ZNF34: variants seen among roughly 807,000 people sequenced by gnomAD.
ZNF34 encodes the protein zinc finger protein 34 (KOX 32).
A neutral mutation model predicts 14.4 loss-of-function variants in ZNF34; 8 were observed. That is an observed-to-expected ratio of 0.55 (90% CI 0.33 to 1.00). The LOEUF (loss-of-function observed/expected upper bound fraction) is 1.00, where lower values mean the gene tolerates loss of function less well. Ranked by LOEUF, ZNF34 falls within the 50% of genes least tolerant of loss-of-function variation. The pLI, the probability that ZNF34 is intolerant of heterozygous loss-of-function variation, is 0.03. For synonymous variants in ZNF34, 235 were observed against 247.9 expected, an observed-to-expected ratio of 0.95 and a Z score of 0.49; for missense variants, 538 against 674.2, an observed-to-expected ratio of 0.80 and a Z score of 2.24.
Position 144,774,030 on chromosome 8 carries a change from A to G in ZNF34, c.856T>C (p.Tyr286His), listed in dbSNP as rs747879150. Residue 286 changes from tyrosine to histidine, a missense_variant, in exon 6 of 6, where the codon TAC becomes CAC. This residue lies in a region of ZNF34 where 431 missense variants were observed against 525.7 expected (regional missense o/e 0.82). Coordinates refer to ENST00000429371, the MANE Select transcript of ZNF34 (RefSeq NM_001286769.2). ...HRRMHSGEIP[Y>H]RCDECGKTFT... ...GTCTTCCCACACTCGTCACACCGGT[A>G]GGGAATCTCTCCTGAGTGCATCCTT... The G allele has an allele frequency of 6.2e-7, 1 of 1,614,088 alleles. No homozygotes were observed. The highest frequency in any genetic ancestry group is 2.2e-5 in the East Asian group (1 of 44,872).
At position 144,772,740 on chromosome 8, in the gene ZNF34, A is replaced by G. The variant is rs1825246052; in HGVS notation, c.*526T>C. Reference sequence around the variant, plus strand: ...TTTTTAGTAGAGACGGGGTTTCACCATGTTGGCCAGGCTGGTCTCAAACTC... The same window carrying G: ...TTTTTAGTAGAGACGGGGTTTCACCGTGTTGGCCAGGCTGGTCTCAAACTC... On this transcript the variant is annotated 3_prime_UTR_variant, in exon 6 of 6. Transcript: ENST00000429371. Among the ~76,000 whole-genome samples, 1 of 152,068 alleles carries G rather than the reference A, an allele frequency of 6.6e-6. No homozygotes were observed. Among genetic ancestry groups the G allele is most frequent in the Non-Finnish European group, 1.5e-5 (1 of 68,020 alleles).
Position 144,773,197 on chromosome 8 carries a change from A to C in ZNF34, c.*69T>G. ...ATCGTGTGGATAATACATAAAGGGC[A>C]GAGTCAGGTGCCGGGGGCGCATGCA... On this transcript the variant is annotated 3_prime_UTR_variant, in exon 6 of 6. Coordinates refer to ENST00000429371, the MANE Select transcript of ZNF34 (RefSeq NM_001286769.2). The surrounding 1 kb of genome is among the most constrained non-coding windows in gnomAD (Gnocchi z 5.4). 1 of 1,483,506 alleles carries C rather than the reference A, an allele frequency of 6.7e-7. No individual in the cohort carries two copies. The highest frequency in any genetic ancestry group is 9.0e-7 in the Non-Finnish European group (1 of 1,107,646). The allele number at this position is 1,483,506 out of a possible 1,614,324, so 91.9% of individuals were successfully genotyped here. A position where few individuals can be genotyped will look rare whatever the true frequency, so the allele number is the denominator to read the frequency against.
chr8:144,786,297 G>C (rs910224629), intron 1 of ZNF34, among the ~76,000 whole-genome samples: 1 of 151,070 alleles, frequency 6.6e-6, no homozygotes, highest in Admixed American at 6.6e-5. Context: ...CCATACATAT[G>C]TAGATTTTTA....
chr8:144,777,488 C>A lies in ZNF34; in HGVS notation c.250G>T (p.Gly84Trp). ...CTGTTGACTCTCAGGTGCTCTTTCC[C>A]AGAGGTGCCCTGAACATCCAGGACC... ...PWVLDVQGTSGKEHLRVNSPA... is the reference protein window; with the variant it reads ...PWVLDVQGTSWKEHLRVNSPA... The change falls in exon 5 of 6, where the codon GGG becomes TGG. Residue 84 changes from glycine to tryptophan, a missense_variant. Around this residue, in one of 3 missense-constraint regions of ZNF34, gnomAD observed 431 missense variants for 525.7 expected, o/e 0.82. Coordinates refer to ENST00000429371, the MANE Select transcript of ZNF34 (RefSeq NM_001286769.2). The surrounding 1 kb of genome is among the most constrained non-coding windows in gnomAD (Gnocchi z 4.8). The A allele has an allele frequency of 6.4e-7, 1 of 1,552,600 alleles. No homozygotes were observed. Among genetic ancestry groups the A allele is most frequent in the East Asian group, 2.4e-5 (1 of 40,974 alleles).
At chr8:144,780,090 G>T in intron 2 of ZNF34, 138 bp downstream of exon 2, 1 of 610,746 alleles carries the variant, frequency 1.6e-6, no homozygotes, top group Non-Finnish European at 3.0e-6. Flanking sequence ...CCAGCTACTT[G>T]GGAGGCTGAG....
At chr8:144,786,050 T>C (rs1719689703) in intron 1 of ZNF34, among the ~76,000 whole-genome samples, 1 of 148,490 alleles carries the variant, frequency 6.7e-6, no homozygotes, top group South Asian at 2.2e-4. Flanking sequence ...AGTGGCGGGA[T>C]CTTGGCTCAC....
chr8:144,780,330 AAC>A (rs1390528317), intron 1 of ZNF34, 50 bp from the exon 2 acceptor site: 4 of 1,340,950 alleles, frequency 3.0e-6, no homozygotes, highest in Non-Finnish European at 4.2e-6. Flanking sequence ...TATTAGATCA[AAC>A]ACTAGTTAAA....
chr8:144,784,196 CA>C (rs1011863954), intron 1 of ZNF34, among the ~76,000 whole-genome samples: 13 of 149,100 alleles, frequency 8.7e-5, no homozygotes, highest in Non-Finnish European at 1.9e-4. Context: ...AAGGCAATAC[CA>C]AAAAAACAAC....
intron 1 of ZNF34, among the ~76,000 whole-genome samples, chr8:144,786,901 G>A (rs1586745816): frequency 6.6e-6 from 1 of 152,180 alleles, no homozygotes; most frequent in East Asian, 1.9e-4. Flanking sequence ...GCTGACAGGA[G>A]AGGAGCGTGG....
chr8:144,780,191 T>G (rs1360489904), intron 2 of ZNF34, 37 bp downstream of exon 2: 1 of 1,504,368 alleles, frequency 6.6e-7, no homozygotes, highest in Non-Finnish European at 9.0e-7. Context: ...AGCAAAACCC[T>G]GTCTCAAAAT....
chr8:144,777,249 GC>G lies in ZNF34; in HGVS notation c.280+208del, dbSNP rs1167584386. ...CATTCCTATTTTCCACAGAAATGCT[GC>G]CCTGGAGAGATTCTGCTCAATAATC... On this transcript the variant is annotated intron_variant, in intron 5 of 5. Transcript: ENST00000429371. This position sits in a 1 kb window ranked among gnomAD's most constrained non-coding sequence, Gnocchi z 4.8. Among the ~76,000 whole-genome samples the G allele has an allele frequency of 2.0e-5, 3 of 152,048 alleles. No individual in the cohort carries two copies. The highest frequency in any genetic ancestry group is 4.4e-5 in the Non-Finnish European group (3 of 68,018).
Position 144,777,454 on chromosome 8 carries a change from G to C in ZNF34, c.280+4C>G. 1 of 1,551,112 alleles carries C rather than the reference G, an allele frequency of 6.4e-7. No individual in the cohort carries two copies. Among genetic ancestry groups the C allele is most frequent in the East Asian group, 2.4e-5 (1 of 40,910 alleles). ...TGAGTTGGGGAGCAGATCCCCTCAC[G>C]CACCTGGGCTGTTGACTCTCAGGTG... On this transcript the variant is annotated splice_donor_region_variant and intron_variant, in intron 5 of 5. Transcript: ENST00000429371. The surrounding 1 kb of genome is among the most constrained non-coding windows in gnomAD (Gnocchi z 4.8).
At chr8:144,786,956 T>A (rs916068913) in intron 1 of ZNF34, among the ~76,000 whole-genome samples, 5 of 151,338 alleles carry the variant, frequency 3.3e-5, no homozygotes, top group Non-Finnish European at 5.9e-5. Flanking sequence ...GACCAAGGGG[T>A]CTGGAGCGCA....
intron 1 of ZNF34, among the ~76,000 whole-genome samples, chr8:144,785,944 C>G (rs2130339759): frequency 6.7e-6 from 1 of 149,564 alleles, no homozygotes; most frequent in East Asian, 2.0e-4. Flanking sequence ...GAAAAACTGT[C>G]AGGTACAGAA....
chr8:144,786,296 T>C (rs1051867568), intron 1 of ZNF34, among the ~76,000 whole-genome samples: 2 of 151,076 alleles, frequency 1.3e-5, no homozygotes, highest in African/African-American at 2.4e-5. Flanking sequence ...GCCATACATA[T>C]GTAGATTTTT....
rs1056553155 is a variant in ZNF34, at chr8:144,777,810, G to A, written c.160+228C>T. On this transcript the variant is annotated intron_variant, in intron 4 of 5. Coordinates refer to ENST00000429371, the MANE Select transcript of ZNF34 (RefSeq NM_001286769.2). The surrounding 1 kb of genome is among the most constrained non-coding windows in gnomAD (Gnocchi z 4.8). ...CAACTCCGCCCCCCCGGTGTCCCCC[G>A]CCCTACCAGGGAGGGGTCTGCCTGG... Among the ~76,000 whole-genome samples, 5 of 152,162 alleles carry A rather than the reference G, an allele frequency of 3.3e-5. No individual in the cohort carries two copies. Among genetic ancestry groups the A allele is most frequent in the African/African-American group, 4.8e-5 (2 of 41,514 alleles).
intron 1 of ZNF34, among the ~76,000 whole-genome samples, chr8:144,782,268 G>T (rs534013992): frequency 2.4e-4 from 36 of 152,238 alleles, no homozygotes; most frequent in African/African-American, 8.7e-4. Context: ...GTTACAGTGA[G>T]CCGAGATCGC....
chr8:144,776,674 C>A (rs1286661360), intron 5 of ZNF34, among the ~76,000 whole-genome samples: 1 of 151,988 alleles, frequency 6.6e-6, no homozygotes, highest in East Asian at 1.9e-4. Flanking sequence ...CTTTGGAAGG[C>A]CAAGGCGAGA....
At position 144,787,294 on chromosome 8, in the gene ZNF34, C is replaced by G. The variant is rs1033795801; in HGVS notation, c.-123G>C. The G allele has an allele frequency of 1.3e-5, 2 of 152,572 alleles. No homozygotes were observed. Among genetic ancestry groups the G allele is most frequent in the African/African-American group, 2.4e-5 (1 of 41,472 alleles). 9.5% of individuals were successfully genotyped at this position (152,572 alleles called of 1,614,324 possible). ...TCACACTCACCTCAGCGCCGCCGAG[C>G]AGCACGGCAGCCCAACCTCGCCCGT... On this transcript the variant is annotated 5_prime_UTR_variant, in exon 1 of 6. Coordinates refer to ENST00000429371, the MANE Select transcript of ZNF34 (RefSeq NM_001286769.2).
Sources: allele counts gnomAD v4.1 joint callset (sites outside exome capture counted in the v4.1 genomes callset), GRCh38; gene constraint gnomAD v4.1.1; regional missense constraint gnomAD v4.1.1; non-coding constraint Gnocchi (gnomAD v3.1); transcripts MANE v1.5; gene names NCBI Gene and HGNC (gene_info 2026-07-23, HGNC 2026-07-21).